The following SLC8A1 variants were observed in gnomAD, a reference collection of about 807,000 sequenced individuals.
SLC8A1 encodes solute carrier family 8 member A1.
Under a neutral mutation model 68.3 loss-of-function variants are expected in SLC8A1, and 18 were observed. That is an observed-to-expected ratio of 0.26 (90% CI 0.18 to 0.39). The LOEUF (loss-of-function observed/expected upper bound fraction) is 0.39. Ranked by LOEUF, SLC8A1 falls within the 10% of genes least tolerant of loss-of-function variation. The pLI, the probability that SLC8A1 is intolerant of heterozygous loss-of-function variation, is 1.00. For missense variants in SLC8A1, 985 were observed against 1,156.7 expected, an observed-to-expected ratio of 0.85 and a Z score of 2.15; for synonymous variants, 475 against 415.5, an observed-to-expected ratio of 1.14 and a Z score of -1.74.
chr2:40,336,381 C>G (rs1051323503), intron 2 of SLC8A1, among the ~76,000 whole-genome samples: 4 of 152,102 alleles, frequency 2.6e-5, no homozygotes, highest in Admixed American at 2.6e-4. Flanking sequence ...CTTGCAGGGG[C>G]CTCTCTTGTC....
intron 5 of SLC8A1, 30 bp downstream of exon 8, chr2:40,164,824 G>C: frequency 6.2e-7 from 1 of 1,612,028 alleles, no homozygotes; most frequent in Non-Finnish European, 8.5e-7. Context: ...GGTGAGACTG[G>C]CTCCTGGTGG....
intron 2 of SLC8A1, among the ~76,000 whole-genome samples, chr2:40,401,757 A>G (rs1010186915): frequency 6.6e-6 from 1 of 152,010 alleles, no homozygotes; most frequent in Non-Finnish European, 1.5e-5. Flanking sequence ...GGAACTATCT[A>G]TACTTACTTT....
chr2:40,262,800 G>A (rs2149100322), intron 2 of SLC8A1, among the ~76,000 whole-genome samples: 1 of 152,210 alleles, frequency 6.6e-6, no homozygotes, highest in East Asian at 1.9e-4. Context: ...CTAAACAAAT[G>A]ATACAGATAT....
rs1183232411 is a variant in SLC8A1, at chr2:40,437,122, T to C, written c.-24-6818A>G. 1.3e-5 allele frequency among the ~76,000 whole-genome samples: 2 copies of C among 152,202 alleles called. 1 individual carries two copies. The highest frequency in any genetic ancestry group is 2.9e-5 in the Non-Finnish European group (2 of 68,024). On this transcript the variant is annotated intron_variant, in intron 1 of 7. Transcript: ENST00000406785. ...CATGAAAGTAAGCTGGCTAGAGTCA[T>C]ATATACTTAAGTGACAGAACTAGAA... is the stretch of plus-strand genomic sequence containing the variant.
intron 2 of SLC8A1, among the ~76,000 whole-genome samples, chr2:40,340,692 C>T (rs1044643234): frequency 1.3e-5 from 2 of 152,170 alleles, no homozygotes; most frequent in Non-Finnish European, 2.9e-5. Flanking sequence ...CTCCACAAGG[C>T]TCAGGATTTT....
At chr2:40,301,982 C>G (rs2071543256) in intron 2 of SLC8A1, among the ~76,000 whole-genome samples, 1 of 151,190 alleles carries the variant, frequency 6.6e-6, no homozygotes, top group African/African-American at 2.4e-5. Flanking sequence ...CCTGCCTCAG[C>G]CTGCAAAGTA....
At chr2:40,119,348 A>G (rs369797446) in intron 7 of SLC8A1, among the ~76,000 whole-genome samples, 1 of 143,490 alleles carries the variant, frequency 7.0e-6, no homozygotes, top group Non-Finnish European at 1.5e-5. Flanking sequence ...AAAAAAAAAA[A>G]TTGCAGGAAC....
At chr2:40,255,293 G>A (rs959292622) in intron 2 of SLC8A1, 2 of 152,086 alleles carry the variant, frequency 1.3e-5, no homozygotes, top group Non-Finnish European at 2.9e-5. Flanking sequence ...CAGGCTGTGA[G>A]TGGGCAGAAA....
intron 2 of SLC8A1, chr2:40,189,892 G>A (rs1029589135): frequency 3.9e-5 from 6 of 152,086 alleles, no homozygotes; most frequent in African/African-American, 9.7e-5. Context: ...AGAAGGTAAC[G>A]TTCCCCATCT....
chr2:40,303,917 C>T (rs1156964217), intron 2 of SLC8A1, among the ~76,000 whole-genome samples: 4 of 152,162 alleles, frequency 2.6e-5, no homozygotes, highest in African/African-American at 9.7e-5. Flanking sequence ...GTCTGGGCAG[C>T]AGACAATTCT....
intron 2 of SLC8A1, among the ~76,000 whole-genome samples, chr2:40,392,453 A>G (rs1294019230): frequency 6.6e-6 from 1 of 152,076 alleles, no homozygotes; most frequent in Non-Finnish European, 1.5e-5. Flanking sequence ...GGAAACATAA[A>G]TATTTAGGCT....
chr2:40,468,067 T>C (rs1453074181), intron 1 of SLC8A1, among the ~76,000 whole-genome samples: 1 of 152,154 alleles, frequency 6.6e-6, no homozygotes, highest in East Asian at 1.9e-4. Flanking sequence ...ATATAAAATC[T>C]GTGTTTAATC....
chr2:40,311,301 A>T (rs1459859976), intron 2 of SLC8A1, among the ~76,000 whole-genome samples: 1 of 152,186 alleles, frequency 6.6e-6, no homozygotes, highest in Admixed American at 6.6e-5. Flanking sequence ...TCATCATTTA[A>T]CATTCAAAGC....
At chr2:40,364,701 T>G (rs1675579668) in intron 2 of SLC8A1, among the ~76,000 whole-genome samples, 1 of 152,072 alleles carries the variant, frequency 6.6e-6, no homozygotes, top group African/African-American at 2.4e-5. Context: ...AAAATTTAAC[T>G]CCATTTTCAG....
At chr2:40,285,283 G>A (rs1472431527) in intron 2 of SLC8A1, among the ~76,000 whole-genome samples, 1 of 152,066 alleles carries the variant, frequency 6.6e-6, no homozygotes, top group Non-Finnish European at 1.5e-5. Context: ...TCTGACAGAC[G>A]TTCTCTTTAA....
intron 1 of SLC8A1, among the ~76,000 whole-genome samples, chr2:40,445,546 T>C (rs1378894198): frequency 1.3e-5 from 2 of 152,220 alleles, no homozygotes; most frequent in African/African-American, 4.8e-5. Context: ...TAAAATCATT[T>C]AATTTTACAT....
chr2:40,401,632 T>G (rs1297968900), intron 2 of SLC8A1, among the ~76,000 whole-genome samples: 1 of 95,760 alleles, frequency 1.0e-5, no homozygotes, highest in East Asian at 2.2e-4. Context: ...ATGTATTTTT[T>G]GTCACATTAA....
At chr2:40,376,106 T>G (rs1393681186) in intron 2 of SLC8A1, among the ~76,000 whole-genome samples, 1 of 152,136 alleles carries the variant, frequency 6.6e-6, no homozygotes, top group East Asian at 1.9e-4. Flanking sequence ...CCTAAAATTT[T>G]CTTCTAGAAT....
intron 1 of SLC8A1, among the ~76,000 whole-genome samples, chr2:40,509,489 C>T (rs1706573869): frequency 1.5e-5 from 2 of 136,856 alleles, no homozygotes; most frequent in Non-Finnish European, 1.5e-5. Flanking sequence ...TATCTTTTCC[C>T]TTGAAACATA....
Sources: allele counts gnomAD v4.1 joint callset (sites outside exome capture counted in the v4.1 genomes callset), GRCh38; gene constraint gnomAD v4.1.1; transcripts MANE v1.5; gene names NCBI Gene and HGNC (gene_info 2026-07-23, HGNC 2026-07-21).